Variants in ITPRIP observed in about 807,000 individuals in gnomAD.
The protein encoded by ITPRIP is inositol 1,4,5-trisphosphate receptor interacting protein.
Under a neutral mutation model 35.8 loss-of-function variants are expected in ITPRIP, and 32 were observed. The observed-to-expected ratio is 0.89, with a 90% CI of 0.68 to 1.20. ITPRIP has a LOEUF of 1.20. Among genes scored for constraint, ITPRIP ranks in the 50% most tolerant of loss-of-function variants. The pLI is 0.00. For synonymous variants in ITPRIP, 358 were observed against 324.0 expected, an observed-to-expected ratio of 1.11 and a Z score of -1.13; for missense variants, 653 against 735.6, an observed-to-expected ratio of 0.89 and a Z score of 1.30.
intron 1 of ITPRIP, among the ~76,000 whole-genome samples, chr10:104,331,831 G>A (rs1032959549): frequency 2.0e-5 from 3 of 152,184 alleles, no homozygotes; most frequent in Non-Finnish European, 2.9e-5. Flanking sequence ...TTGGCAGAAG[G>A]AGTCTCCAAA....
chr10:104,334,717 G>C (rs528654040), intron 1 of ITPRIP, among the ~76,000 whole-genome samples: 1 of 152,298 alleles, frequency 6.6e-6, no homozygotes, highest in South Asian at 2.1e-4. Context: ...TGGTGAGAGG[G>C]CCGCAGAGGT....
rs771295609 is a variant in ITPRIP, at chr10:104,314,644, G to T, written c.1408C>A (p.Leu470Ile). 130 of 1,613,962 alleles carry T rather than the reference G, an allele frequency of 8.1e-5. No homozygotes were observed. The highest frequency in any genetic ancestry group is 1.0e-4 in the Non-Finnish European group (122 of 1,180,022). ...AAGAAGTGGTGGAGCTTCTTCTGGA[G>T]CAAGCTCTTCTCCAGGAAGCACAGC... The part of the protein sequence containing the change: ...ELLCFLEKSL[L>I]QKKLHHFFIG... Residue 470 changes from leucine (L) to isoleucine (I), a missense_variant, in exon 2 of 2, where the codon CTC becomes ATC. By Grantham distance (5) the Leu-to-Ile change is conservative. Coordinates refer to ENST00000337478, the MANE Select transcript of ITPRIP (RefSeq NM_001272013.2).
intron 1 of ITPRIP, among the ~76,000 whole-genome samples, chr10:104,318,910 C>T (rs2013763094): frequency 1.3e-5 from 2 of 152,250 alleles, no homozygotes; most frequent in Non-Finnish European, 2.9e-5. Flanking sequence ...AAAGGAACTG[C>T]GATGGGATGG....
chr10:104,317,723 C>G (rs570427486), intron 1 of ITPRIP, among the ~76,000 whole-genome samples: 59 of 152,316 alleles, frequency 3.9e-4, no homozygotes, highest in Non-Finnish European at 7.6e-4. Context: ...AACCTGAGCC[C>G]CATTCCCTTT....
chr10:104,338,205 G>T (rs1369177382), intron 1 of ITPRIP, 41 bp downstream of exon 1: 2 of 153,082 alleles, frequency 1.3e-5, no homozygotes, highest in Non-Finnish European at 1.5e-5. Context: ...TCTCCATCGC[G>T]CCCTTCTTCC....
At chr10:104,329,670 T>C (rs1257901996) in intron 1 of ITPRIP, among the ~76,000 whole-genome samples, 1 of 151,670 alleles carries the variant, frequency 6.6e-6, no homozygotes, top group Non-Finnish European at 1.5e-5. Context: ...TAAGAAGAGC[T>C]TAACAGTTTG....
chr10:104,330,269 G>T (rs550390748), intron 1 of ITPRIP, among the ~76,000 whole-genome samples: 1 of 152,364 alleles, frequency 6.6e-6, no homozygotes, highest in South Asian at 2.1e-4. Flanking sequence ...GGAGTGAAGT[G>T]GAAAGCTCTG....
In ITPRIP at chr10:104,315,559, C is replaced by T. The variant is rs776526650; in HGVS notation, c.493G>A (p.Glu165Lys). ...ADAARTREFL[E>K]GFVDDLLEAL... The stretch of plus-strand genomic sequence containing the variant: ...TCCAGCAAGTCATCCACGAAGCCTT[C>T]CAGGAACTCCCGGGTACGGGCTGCA... The change falls in exon 2 of 2, where the codon GAA becomes AAA. Residue 165 changes from glutamate (E) to lysine (K), a missense_variant. Coordinates refer to ENST00000337478, the MANE Select transcript of ITPRIP (RefSeq NM_001272013.2). The surrounding 1 kb of genome is among the most constrained non-coding windows in gnomAD (Gnocchi z 5.7). The T allele has an allele frequency of 5.0e-6, 8 of 1,614,156 alleles. No homozygotes were observed. In the South Asian group the frequency reaches 7.7e-5, roughly 16 times the overall value.
Position 104,314,205 on chromosome 10 carries a change from G to A in ITPRIP, c.*203C>T, listed in dbSNP as rs1252943296. The A allele has an allele frequency of 2.2e-6, 3 of 1,383,276 alleles. No individual in the cohort carries two copies. The highest frequency in any genetic ancestry group is 6.6e-5 in the Admixed American group (2 of 30,432). The allele number at this position is 1,383,276 out of a possible 1,614,324, so 85.7% of individuals were successfully genotyped here. A position where few individuals can be genotyped will look rare whatever the true frequency, so the allele number is the denominator to read the frequency against. ...AACCCAAATAACAGCTTTACCAGCA[G>A]ATCCCAATGGTATGAAGCAAACCAG... is the stretch of plus-strand genomic sequence containing the variant. On this transcript the variant is annotated 3_prime_UTR_variant, in exon 2 of 2. Transcript: ENST00000337478.
Position 104,314,252 on chromosome 10 carries a change from C to T in ITPRIP, c.*156G>A, listed in dbSNP as rs2013564262. On this transcript the variant is annotated 3_prime_UTR_variant, in exon 2 of 2. Transcript: ENST00000337478. Reference sequence around the variant, plus strand: ...CCAGCTTCCCGTTGAAATTCTGTTTCCTCTGCACTGTAGGGCTTGGCTTCC... The same window carrying T: ...CCAGCTTCCCGTTGAAATTCTGTTTTCTCTGCACTGTAGGGCTTGGCTTCC... The T allele has an allele frequency of 6.8e-7, 1 of 1,466,838 alleles. No homozygotes were observed. Among genetic ancestry groups the T allele is most frequent in the Non-Finnish European group, 9.0e-7 (1 of 1,112,670 alleles). The allele number at this position is 1,466,838 out of a possible 1,614,324, so 90.9% of individuals were successfully genotyped here.
chr10:104,314,685 G>A lies in ITPRIP; in HGVS notation c.1367C>T (p.Ala456Val), dbSNP rs761359395. Residue 456 changes from alanine to valine, a missense_variant, in exon 2 of 2, where the codon GCT becomes GTT. Ala to Val is a moderately conservative substitution (Grantham distance 64). Transcript: ENST00000337478. ...AADWKAGQLDARLHELLCFLE... is the reference protein window; with the variant it reads ...AADWKAGQLDVRLHELLCFLE... ...GAAGCACAGCAACTCGTGCAGACGAGCGTCCAGCTGCCCCGCCTTCCAGTC... is the reference window on the plus strand; with the variant it reads ...GAAGCACAGCAACTCGTGCAGACGAACGTCCAGCTGCCCCGCCTTCCAGTC... 3.7e-6 allele frequency: 6 copies of A among 1,613,830 alleles called. No homozygotes were observed. Among genetic ancestry groups the A allele is most frequent in the Non-Finnish European group, 5.1e-6 (6 of 1,179,902 alleles).
chr10:104,336,432 C>T (rs2014234095), intron 1 of ITPRIP, among the ~76,000 whole-genome samples: 1 of 148,666 alleles, frequency 6.7e-6, no homozygotes, highest in Admixed American at 6.9e-5. Flanking sequence ...ACTCTCAACT[C>T]GAAACATGGA....
Position 104,320,145 on chromosome 10 carries a change from G to A in ITPRIP, c.-13-4081C>T, listed in dbSNP as rs1181599108. Among the ~76,000 whole-genome samples the A allele has an allele frequency of 2.6e-5, 4 of 151,174 alleles. No homozygotes were observed. In the East Asian group the frequency reaches 5.8e-4, roughly 22 times the overall value. On this transcript the variant is annotated intron_variant, in intron 1 of 1. Transcript: ENST00000337478. ...CCTTTCCAGGTCTCTCCTGATCCAG[G>A]AGAGATGAACTAAGAGTCTGATCTA...
In ITPRIP at chr10:104,328,452, G is replaced by A. The variant is rs146523795; in HGVS notation, c.-14+9794C>T. ...CCTGCCTCCAAGCAGAGCCACAAAC[G>A]TTCAGGCAAAACCACACTTTCTCAG... On this transcript the variant is annotated intron_variant, in intron 1 of 1. Transcript: ENST00000337478. This position sits in a 1 kb window ranked among gnomAD's most constrained non-coding sequence, Gnocchi z 4.1. Among the ~76,000 whole-genome samples, 1 of 152,012 alleles carries A rather than the reference G, an allele frequency of 6.6e-6. No homozygotes were observed.
intron 1 of ITPRIP, among the ~76,000 whole-genome samples, chr10:104,321,202 T>G (rs1254123207): frequency 2.0e-5 from 3 of 152,230 alleles, no homozygotes; most frequent in Non-Finnish European, 4.4e-5. Context: ...ACCTGTGGTC[T>G]GAGACATCAG....
Position 104,315,277 on chromosome 10 carries a change from T to A in ITPRIP, c.775A>T (p.Lys259Ter). Residue 259 changes from lysine (K) to a stop codon, truncating the protein, a stop_gained, in exon 2 of 2, where the codon AAG (lysine) becomes TAG (stop). Transcript: ENST00000337478. LOFTEE classifies it high-confidence loss of function. The surrounding 1 kb of genome is among the most constrained non-coding windows in gnomAD (Gnocchi z 5.7). The part of the protein sequence containing the change: ...DGDTLSCICG[K>*]TKLGEDMLCL... ...AGCATGTCTTCCCCGAGCTTGGTCT[T>A]GCCGCAGATGCAGCTCAATGTGTCC... 2 of 1,602,110 alleles carry A rather than the reference T, an allele frequency of 1.2e-6. No individual in the cohort carries two copies. The highest frequency in any genetic ancestry group is 1.7e-6 in the Non-Finnish European group (2 of 1,172,500).
intron 1 of ITPRIP, among the ~76,000 whole-genome samples, chr10:104,320,750 C>T (rs2013826970): frequency 6.6e-6 from 1 of 152,110 alleles, no homozygotes. Context: ...GTTGGCCAGG[C>T]TGGTCTCGAA....
chr10:104,327,190 C>T (rs761146319), intron 1 of ITPRIP, among the ~76,000 whole-genome samples: 5 of 152,072 alleles, frequency 3.3e-5, no homozygotes, highest in Non-Finnish European at 7.4e-5. Flanking sequence ...GGGGATTCCA[C>T]GTGAGATGGA....
Position 104,310,162 on chromosome 10 carries a change from TGAGACG to T in ITPRIP, c.*4240_*4245del, listed in dbSNP as rs2013450630. ...CCAGCTCTGTCCCGTGAGGTGGAGA[TGAGACG>T]GACCACGAAAATGTTCTGAATCACA... On this transcript the variant is annotated 3_prime_UTR_variant, in exon 2 of 2. Transcript: ENST00000337478. 1 of 152,164 alleles carries T rather than the reference TGAGACG, an allele frequency of 6.6e-6. No individual in the cohort carries two copies. The highest frequency in any genetic ancestry group is 1.5e-5 in the Non-Finnish European group (1 of 68,036). The allele number at this position is 152,164 out of a possible 1,614,324, so 9.4% of individuals were successfully genotyped here.
Sources: allele counts gnomAD v4.1 joint callset (sites outside exome capture counted in the v4.1 genomes callset), GRCh38; gene constraint gnomAD v4.1.1; non-coding constraint Gnocchi (gnomAD v3.1); transcripts MANE v1.5; gene names NCBI Gene and HGNC (gene_info 2026-07-23, HGNC 2026-07-21).